ARMC2: variants seen among roughly 807,000 people sequenced by gnomAD.
ARMC2 encodes the protein armadillo repeat containing 2.
In ARMC2, 67 loss-of-function variants were observed where a neutral mutation model predicts 90.3. That is an observed-to-expected ratio of 0.74 (90% confidence interval 0.61 to 0.91). The LOEUF (loss-of-function observed/expected upper bound fraction) is 0.91. Ranked by LOEUF, ARMC2 falls within the 40% of genes least tolerant of loss-of-function variation. ARMC2 has a pLI of 0.00. For synonymous variants in ARMC2, 393 were observed against 393.0 expected (o/e 1.00, Z 0.00); for missense variants, 920 against 1,030.9 (o/e 0.89, Z 1.47).
intron 3 of ARMC2, among the ~76,000 whole-genome samples, chr6:108,864,764 C>T (rs537162498): frequency 5.9e-5 from 9 of 152,168 alleles, no homozygotes; most frequent in South Asian, 2.1e-4. Context: ...GCCAAGGTGA[C>T]GGTGCTTGGA....
the ARMC2 span, chr6:108,992,968 A>G: frequency 1.0e-6 from 1 of 968,888 alleles, no homozygotes; most frequent in South Asian, 1.4e-5. Context: ...TACCCAAAGG[A>G]GTAAAAATGG....
chr6:108,903,640 C>T (rs1772379262), intron 7 of ARMC2, among the ~76,000 whole-genome samples: 1 of 152,182 alleles, frequency 6.6e-6, no homozygotes, highest in Non-Finnish European at 1.5e-5. Flanking sequence ...AAGACTGGCT[C>T]ACTTAGTATG....
Position 108,867,879 on chromosome 6 carries a change from A to G in ARMC2, c.292-945A>G, listed in dbSNP as rs183294578. ...AATCCGGAAGGCGGAGGTTGCAGTG[A>G]GCCGAGATCGCACCATTGCACTCCA... On this transcript the variant is annotated intron_variant, in intron 3 of 17. Coordinates refer to ENST00000392644, the MANE Select transcript of ARMC2 (RefSeq NM_032131.6). 4.1e-3 allele frequency among the ~76,000 whole-genome samples: 619 copies of G among 152,282 alleles called. 2 individuals are homozygous for G. The highest frequency in any genetic ancestry group is 0.014 in the African/African-American group (580 of 41,566).
intron 10 of ARMC2, among the ~76,000 whole-genome samples, chr6:108,920,663 A>C (rs1347957014): frequency 6.6e-6 from 1 of 152,140 alleles, no homozygotes; most frequent in South Asian, 2.1e-4. Flanking sequence ...GAGGCTGGGG[A>C]TGGGGATAAA....
In ARMC2 at chr6:108,932,516, C is replaced by CTTTTTTTTTTTTT. The variant is rs60000198; in HGVS notation, c.1496+4298_1496+4310dup. On this transcript the variant is annotated intron_variant, in intron 11 of 17. Transcript: ENST00000392644. ...TAAACAGTGAGTCTTTTCTCCATTGCTTTTTTTTTTTTTTTTTTTTTTTTT... is the reference window on the plus strand; with the variant it reads ...TAAACAGTGAGTCTTTTCTCCATTGCTTTTTTTTTTTTTTTTTTTTTTTTTTTTTTTTTTTTTT... Among the ~76,000 whole-genome samples, 19 of 77,910 alleles carry CTTTTTTTTTTTTT rather than the reference C, an allele frequency of 2.4e-4. 2 individuals are homozygous for CTTTTTTTTTTTTT. Among genetic ancestry groups the CTTTTTTTTTTTTT allele is most frequent in the African/African-American group, 9.4e-4 (16 of 17,028 alleles). The allele number at this position is 77,910 out of a possible 152,430, so 51.1% of individuals were successfully genotyped here. A position where few individuals can be genotyped will look rare whatever the true frequency, so the allele number is the denominator to read the frequency against.
the ARMC2 span, chr6:108,990,955 C>CCTAA: frequency 3.9e-6 from 3 of 764,460 alleles, no homozygotes; most frequent in African/African-American, 1.8e-5. Context: ...GGCTTTTATC[C>CCTAA]CTAACTCCCA....
chr6:108,859,934 A>G (rs1775041320), intron 3 of ARMC2, among the ~76,000 whole-genome samples: 9 of 150,932 alleles, frequency 6.0e-5, no homozygotes, highest in Admixed American at 5.9e-4. Flanking sequence ...AACTCGGGAG[A>G]TGGAGGTTGT....
the ARMC2 span, among the ~76,000 whole-genome samples, chr6:109,016,635 T>C: frequency 7.9e-5 from 12 of 152,156 alleles, no homozygotes; most frequent in South Asian, 2.3e-3. Flanking sequence ...TGGGCCATTT[T>C]CCCCTTTACC....
chr6:108,980,690 A>G, the ARMC2 span, among the ~76,000 whole-genome samples: 1 of 152,068 alleles, frequency 6.6e-6, no homozygotes, highest in African/African-American at 2.4e-5. Flanking sequence ...TTTTTCAGAG[A>G]TGCCCTGCCC....
chr6:108,883,897 T>TA (rs1429750256), intron 5 of ARMC2, among the ~76,000 whole-genome samples: 3 of 152,148 alleles, frequency 2.0e-5, no homozygotes, highest in African/African-American at 7.2e-5. Flanking sequence ...TCTGCAGAAA[T>TA]ATGTCTGGAA....
chr6:108,964,917 A>C, intron 16 of ARMC2, 63 bp from the exon 17 acceptor site: 17 of 1,217,482 alleles, frequency 1.4e-5, no homozygotes, highest in Non-Finnish European at 1.9e-5. Context: ...TTATGCTAAC[A>C]ATATTAAAAT....
At chr6:108,970,671 T>C (rs1297568368) in intron 17 of ARMC2, among the ~76,000 whole-genome samples, 1 of 151,324 alleles carries the variant, frequency 6.6e-6, no homozygotes, top group Non-Finnish European at 1.5e-5. Context: ...TAATTTTTTG[T>C]ATTTTTAGTA....
At chr6:108,870,974 G>A (rs993940221) in intron 4 of ARMC2, among the ~76,000 whole-genome samples, 9 of 152,202 alleles carry the variant, frequency 5.9e-5, no homozygotes, top group Non-Finnish European at 1.2e-4. Context: ...TGACTGTGGT[G>A]GGGTAATTTG....
At chr6:108,925,224 A>AT (rs1774994848) in intron 10 of ARMC2, among the ~76,000 whole-genome samples, 1 of 152,044 alleles carries the variant, frequency 6.6e-6, no homozygotes, top group African/African-American at 2.4e-5. Context: ...TTCATCCATT[A>AT]TTTTTTACTC....
At chr6:108,888,997 C>A (rs1433163342) in intron 5 of ARMC2, among the ~76,000 whole-genome samples, 1 of 152,114 alleles carries the variant, frequency 6.6e-6, no homozygotes, top group Non-Finnish European at 1.5e-5. Flanking sequence ...GTTGAGTAAA[C>A]CCATGGAAAC....
intron 10 of ARMC2, among the ~76,000 whole-genome samples, chr6:108,914,146 G>T (rs546735816): frequency 6.6e-6 from 1 of 152,164 alleles, no homozygotes; most frequent in East Asian, 1.9e-4. Flanking sequence ...CTATATCACT[G>T]TGTGTGTATG....
chr6:109,009,088 C>T, the ARMC2 span: 1 of 820,978 alleles, frequency 1.2e-6, no homozygotes, highest in Non-Finnish European at 1.6e-6. Context: ...ATGACCGCGG[C>T]CGCAGTCTCT....
At chr6:108,975,853 G>T (rs541403582), downstream of ARMC2, among the ~76,000 whole-genome samples, 4 of 152,094 alleles carry the variant, frequency 2.6e-5, no homozygotes, top group South Asian at 8.3e-4. Flanking sequence ...GGGGTTGTTT[G>T]TTTTTTCTTA....
the ARMC2 span, chr6:108,987,678 CA>C: frequency 9.6e-7 from 1 of 1,043,246 alleles, no homozygotes; most frequent in Non-Finnish European, 1.5e-6. Flanking sequence ...CAAGCATTCA[CA>C]ATCAGTTTTT....
Sources: gnomAD v4.1 joint callset for allele counts (sites outside exome capture counted in the v4.1 genomes callset) on GRCh38, gnomAD v4.1.1 for gene constraint, MANE v1.5 for transcripts, NCBI Gene and HGNC (gene_info 2026-07-23, HGNC 2026-07-21) for gene names.